The following OTOGL variants were observed in gnomAD, a reference collection of about 807,000 sequenced individuals.
The protein encoded by OTOGL is otogelin like, also known as otogelin-like protein.
OTOGL carries 285 observed loss-of-function variants against 318.5 expected under a neutral mutation model. That is an observed-to-expected ratio of 0.89 (90% CI 0.81 to 0.99). The LOEUF (loss-of-function observed/expected upper bound fraction) is 0.99. Ranked by LOEUF, OTOGL falls within the 50% of genes least tolerant of loss-of-function variation. The probability of loss-of-function intolerance (pLI) is 0.00; values close to 1 mark genes in which losing one functional copy is unlikely to be tolerated. For missense variants in OTOGL, 2,899 were observed against 2,845.6 expected (o/e 1.02, Z -0.43); for synonymous variants, 987 against 936.5 (o/e 1.05, Z -0.99).
chr12:80,241,273 CA>C (rs1305910643), intron 11 of OTOGL, among the ~76,000 whole-genome samples: 1 of 152,010 alleles, frequency 6.6e-6, no homozygotes, highest in Non-Finnish European at 1.5e-5. Flanking sequence ...GAATAGAGTG[CA>C]GTTATACCTA....
chr12:80,368,175 G>T, intron 54 of OTOGL, 30 bp from the exon 55 acceptor site: 1 of 1,421,314 alleles, frequency 7.0e-7, no homozygotes, highest in Non-Finnish European at 9.8e-7. Flanking sequence ...TATTGATATG[G>T]TGTCGCTAAT....
At chr12:80,336,307 T>C (rs1888396336) in intron 39 of OTOGL, 106 bp from the exon 40 acceptor site, 1 of 1,353,200 alleles carries the variant, frequency 7.4e-7, no homozygotes, top group Admixed American at 3.1e-5. Flanking sequence ...GAGTTGCTTC[T>C]TGTCAGACAT....
Position 80,253,515 on chromosome 12 carries a change from C to A in OTOGL, c.1335C>A (p.Cys445Ter). 3 of 1,613,240 alleles carry A rather than the reference C, an allele frequency of 1.9e-6. No individual in the cohort carries two copies. Among genetic ancestry groups the A allele is most frequent in the Non-Finnish European group, 2.5e-6 (3 of 1,179,376 alleles). The stretch of plus-strand genomic sequence containing the variant: ...GCATCTCCTTGGAAAATTGCCCATG[C>A]GGTTTTCATGGATTAGCTTATTCAG... ...GTCISLENCP[C>*]GFHGLAYSVG... Residue 445 changes from cysteine (C) to a stop codon, truncating the protein, a stop_gained, in exon 14 of 59, where the codon TGC becomes TGA. Transcript: ENST00000547103. LOFTEE classifies it high-confidence loss of function.
At chr12:80,200,788 A>G (rs1876399444) in intron 1 of OTOGL, among the ~76,000 whole-genome samples, 1 of 152,224 alleles carries the variant, frequency 6.6e-6, no homozygotes, top group Non-Finnish European at 1.5e-5. Context: ...GGAAAAGAAG[A>G]TATTATAATG....
At chr12:80,126,749 G>A (rs1256714130) in intron 1 of OTOGL, among the ~76,000 whole-genome samples, 1 of 152,142 alleles carries the variant, frequency 6.6e-6, no homozygotes, top group Non-Finnish European at 1.5e-5. Flanking sequence ...ATATATTTAG[G>A]ATAGTTAGCT....
At chr12:80,332,402 T>C (rs1438180413) in intron 37 of OTOGL, among the ~76,000 whole-genome samples, 1 of 152,164 alleles carries the variant, frequency 6.6e-6, no homozygotes, top group Non-Finnish European at 1.5e-5. Flanking sequence ...TTCTGTAATC[T>C]TTCAGACTGA....
At chr12:80,161,724 A>G (rs1000526563) in intron 1 of OTOGL, among the ~76,000 whole-genome samples, 1 of 152,154 alleles carries the variant, frequency 6.6e-6, no homozygotes, top group Non-Finnish European at 1.5e-5. Flanking sequence ...TTGGGATAAG[A>G]GGACATTTTT....
chr12:80,235,420 A>G (rs1049459485), intron 9 of OTOGL, among the ~76,000 whole-genome samples: 4 of 143,422 alleles, frequency 2.8e-5, no homozygotes, highest in Admixed American at 7.4e-5. Flanking sequence ...AGCAGAGACC[A>G]TCATGCCACT....
chr12:80,292,570 G>A (rs1885117325), intron 26 of OTOGL, among the ~76,000 whole-genome samples: 1 of 152,200 alleles, frequency 6.6e-6, no homozygotes, highest in African/African-American at 2.4e-5. Context: ...AAGGAAGCAA[G>A]TTGTGGACTG....
Position 80,232,679 on chromosome 12 carries a change from A to C in OTOGL, c.612-213A>C, listed in dbSNP as rs182863392. ...ATCTAAATCAGTATAAGAAAGCAGC[A>C]TCATTTTTGTTGTGTCTTTATTTCA... is the stretch of plus-strand genomic sequence containing the variant. On this transcript the variant is annotated intron_variant, in intron 8 of 58. Transcript: ENST00000547103. 4.3e-3 allele frequency among the ~76,000 whole-genome samples: 650 copies of C among 152,374 alleles called. 2 individuals are homozygous for C. Among genetic ancestry groups the C allele is most frequent in the Admixed American group, 0.014 (215 of 15,304 alleles).
At chr12:80,175,139 C>A (rs775970253) in intron 1 of OTOGL, among the ~76,000 whole-genome samples, 2 of 151,912 alleles carry the variant, frequency 1.3e-5, no homozygotes, top group Non-Finnish European at 2.9e-5. Context: ...ATCATCTCTT[C>A]GCTAAATACA....
At chr12:80,247,256 A>G (rs977203911) in intron 11 of OTOGL, among the ~76,000 whole-genome samples, 2 of 149,076 alleles carry the variant, frequency 1.3e-5, no homozygotes, top group African/African-American at 5.2e-5. Flanking sequence ...TTGTGATGTT[A>G]GGCTGTCAAT....
intron 5 of OTOGL, among the ~76,000 whole-genome samples, chr12:80,219,536 T>C (rs1878090854): frequency 1.3e-5 from 2 of 152,202 alleles, no homozygotes; most frequent in South Asian, 4.1e-4. Context: ...ATTCCTTACA[T>C]GGGAACTTGA....
intron 1 of OTOGL, among the ~76,000 whole-genome samples, chr12:80,126,531 A>C (rs1870850814): frequency 6.6e-6 from 1 of 152,102 alleles, no homozygotes; most frequent in Non-Finnish European, 1.5e-5. Context: ...TTTGGGGTGG[A>C]GAGTTCTGTA....
chr12:80,241,766 A>G (rs1232860210), intron 11 of OTOGL, among the ~76,000 whole-genome samples: 1 of 152,170 alleles, frequency 6.6e-6, no homozygotes, highest in African/African-American at 2.4e-5. Flanking sequence ...TTTCTCTTAC[A>G]TAAAAATCCA....
chr12:80,132,191 G>C (rs902694667), intron 1 of OTOGL: 1 of 152,064 alleles, frequency 6.6e-6, no homozygotes, highest in African/African-American at 2.4e-5. Flanking sequence ...TCTTTATGTG[G>C]CACCACACCT....
rs1236603339 is a variant in OTOGL at position 80,356,895 on chromosome 12, T to C, written c.6000T>C (p.Cys2000=). The stretch of plus-strand genomic sequence containing the variant: ...TTCAAGTTCGACAGGAAGAACCTTG[T>C]TGTTTTTCCCCTTTTTGTGGTGAGT... ...FMIQVRQEEP[C]CFSPFCVCES... is the part of the protein sequence containing the mutation. Residue 2000 remains cysteine, a synonymous_variant, in exon 49 of 59, where the codon TGT becomes TGC. Transcript: ENST00000547103. 6.3e-7 allele frequency: 1 copy of C among 1,589,736 alleles called. No homozygotes were observed. Among genetic ancestry groups the C allele is most frequent in the East Asian group, 2.3e-5 (1 of 43,654 alleles).
At position 80,343,402 on chromosome 12, in the gene OTOGL, A is replaced by G. The variant is rs1451461549; in HGVS notation, c.5265+1240A>G. 2.6e-5 allele frequency: 4 copies of G among 151,586 alleles called. No individual in the cohort carries two copies. In the East Asian group the frequency reaches 7.7e-4, roughly 29 times the overall value. The allele number at this position is 151,586 out of a possible 1,614,324, so 9.4% of individuals were successfully genotyped here. On this transcript the variant is annotated intron_variant, in intron 44 of 58. Transcript: ENST00000547103. ...CCCATATATGTTAAATCATCTCTAGATTACTTATAATACCTAATGCAAGGT... is the reference window on the plus strand; with the variant it reads ...CCCATATATGTTAAATCATCTCTAGGTTACTTATAATACCTAATGCAAGGT...
intron 1 of OTOGL, among the ~76,000 whole-genome samples, chr12:80,141,528 C>T (rs189831219): frequency 1.4e-3 from 216 of 152,134 alleles, no homozygotes; most frequent in African/African-American, 4.9e-3. Flanking sequence ...CTGCTCAATC[C>T]CAGAAGAGCT....
Sources: gnomAD v4.1 joint callset for allele counts (sites outside exome capture counted in the v4.1 genomes callset) on GRCh38, gnomAD v4.1.1 for gene constraint, MANE v1.5 for transcripts, NCBI Gene and HGNC (gene_info 2026-07-23, HGNC 2026-07-21) for gene names.